The following SGSM1 variants were observed in gnomAD, a reference collection of about 807,000 sequenced individuals.
SGSM1 encodes the protein small G protein signaling modulator 1.
SGSM1 carries 73 observed loss-of-function variants against 133.8 expected under a neutral mutation model. That is an observed-to-expected ratio of 0.55 (90% CI 0.45 to 0.66). The LOEUF is 0.66. SGSM1 is among the 30% of genes least tolerant of loss of function. SGSM1 has a pLI of 0.00. For missense variants in SGSM1, 1,213 were observed against 1,448.1 expected (o/e 0.84, Z 2.64); for synonymous variants, 563 against 573.0 (o/e 0.98, Z 0.25).
chr22:24,899,021 C>CAA (rs11284624), intron 19 of SGSM1, among the ~76,000 whole-genome samples: 17 of 62,472 alleles, frequency 2.7e-4, no homozygotes, highest in African/African-American at 3.7e-4. Flanking sequence ...AGCAAGATCT[C>CAA]AAAAAAAAAA....
At chr22:24,902,500 C>T (rs189253228) in intron 20 of SGSM1, among the ~76,000 whole-genome samples, 91 of 152,162 alleles carry the variant, frequency 6.0e-4, no homozygotes, top group African/African-American at 2.0e-3. Context: ...CATAGTGAGA[C>T]CCTATCACTA....
chr22:24,917,473 G>A lies in SGSM1; in HGVS notation c.2929-185G>A, dbSNP rs564392020. 1.2e-4 allele frequency among the ~76,000 whole-genome samples: 19 copies of A among 152,226 alleles called. No individual in the cohort carries two copies. The South Asian group carries it at 1.5e-3, about 12-fold the overall frequency. On this transcript the variant is annotated intron_variant, in intron 22 of 24. Transcript: ENST00000400358. ...GGATGCTGAGCATCTTTCATATGCC[G>A]CTTGGCCATTTGTGAATCTTCTTTG...
At position 24,879,488 on chromosome 22, in the gene SGSM1, A is replaced by G; in HGVS notation, c.1457A>G (p.Asn486Ser). 6.2e-7 allele frequency: 1 copy of G among 1,613,814 alleles called. No homozygotes were observed. The highest frequency in any genetic ancestry group is 8.5e-7 in the Non-Finnish European group (1 of 1,179,860). Residue 486 changes from asparagine to serine, a missense_variant, in exon 14 of 25, where the codon AAT becomes AGT. Physicochemically the swap from Asn to Ser is conservative, Grantham distance 46. Transcript: ENST00000400358. Reference sequence around the variant, plus strand: ...GCTCCCCTGAAACTTCTCTGTGACAATATGAAGTACCAGATCCTCTCCAGA... The same window carrying G: ...GCTCCCCTGAAACTTCTCTGTGACAGTATGAAGTACCAGATCCTCTCCAGA... ...ERAPLKLLCD[N>S]MKYQILSRAF... is the part of the protein sequence containing the mutation.
chr22:24,898,644 A>G, intron 19 of SGSM1, 85 bp downstream of exon 19: 1 of 1,341,282 alleles, frequency 7.5e-7, no homozygotes, highest in Non-Finnish European at 1.0e-6. Flanking sequence ...ATCCAGAATG[A>G]CCCCGGAGTC....
At chr22:24,809,260 C>G (rs1461074003) in intron 2 of SGSM1, among the ~76,000 whole-genome samples, 1 of 152,204 alleles carries the variant, frequency 6.6e-6, no homozygotes, top group Non-Finnish European at 1.5e-5. Context: ...GCCTAGAAAT[C>G]TGAGAGTCAA....
intron 9 of SGSM1, among the ~76,000 whole-genome samples, chr22:24,860,922 A>ATATATATATATATAT (rs34462953): frequency 2.7e-5 from 1 of 37,600 alleles, no homozygotes; most frequent in African/African-American, 1.5e-4. Flanking sequence ...AAAAAAAAAA[A>ATATATATATATATAT]ATATATATAT....
rs1001037431 is a variant in SGSM1, at chr22:24,876,707, C to T, written c.1422C>T (p.Asn474=). 1 of 1,613,886 alleles carries T rather than the reference C, an allele frequency of 6.2e-7. No homozygotes were observed. The highest frequency in any genetic ancestry group is 8.5e-7 in the Non-Finnish European group (1 of 1,179,864). Residue 474 remains asparagine (N), a synonymous_variant, in exon 13 of 25, where the codon AAC becomes AAT. Coordinates refer to ENST00000400358, the MANE Select transcript of SGSM1 (RefSeq NM_001098497.3). ...ATGGTAGCTCGACCAATGGCTGCAA[C>T]CATGAGAGGTATGAGGGGCTTGAGC... The part of the protein sequence containing the change: ...SADGSSTNGC[N]HERAPLKLLC...
At chr22:24,872,773 G>A (rs1283716827) in intron 12 of SGSM1, among the ~76,000 whole-genome samples, 1 of 152,072 alleles carries the variant, frequency 6.6e-6, no homozygotes, top group African/African-American at 2.4e-5. Context: ...CAAAAAACTA[G>A]CCGGGCGTGG....
At chr22:24,895,991 G>T (rs1352723762) in intron 18 of SGSM1, among the ~76,000 whole-genome samples, 1 of 152,176 alleles carries the variant, frequency 6.6e-6, no homozygotes, top group East Asian at 1.9e-4. Flanking sequence ...TGAGGCTGCA[G>T]TGAGCCATGA....
intron 2 of SGSM1, among the ~76,000 whole-genome samples, chr22:24,832,851 G>A (rs1457822333): frequency 2.6e-5 from 4 of 152,116 alleles, no homozygotes; most frequent in Non-Finnish European, 5.9e-5. Context: ...GGAAGGATCA[G>A]ATCCAAGCCT....
intron 9 of SGSM1, among the ~76,000 whole-genome samples, chr22:24,863,560 G>A (rs569017658): frequency 3.9e-5 from 6 of 152,186 alleles, no homozygotes; most frequent in South Asian, 4.1e-4. Context: ...CCTGTCTATC[G>A]TTGTTATTCT....
intron 19 of SGSM1, among the ~76,000 whole-genome samples, chr22:24,900,954 C>T (rs1601973490): frequency 1.3e-5 from 2 of 152,254 alleles, no homozygotes; most frequent in South Asian, 2.1e-4. Flanking sequence ...CTTTCTAGTG[C>T]CAGGGAAATA....
At chr22:24,891,958 T>G (rs892389834) in intron 16 of SGSM1, among the ~76,000 whole-genome samples, 1 of 151,590 alleles carries the variant, frequency 6.6e-6, no homozygotes, top group African/African-American at 2.4e-5. Flanking sequence ...GCATGGTGGG[T>G]GTGAGTTGCT....
intron 5 of SGSM1, among the ~76,000 whole-genome samples, chr22:24,853,734 G>A (rs551206448): frequency 1.3e-5 from 2 of 150,728 alleles, no homozygotes; most frequent in Middle Eastern, 3.4e-3. Context: ...AGCCTCCCGA[G>A]TAGCTGGGAC....
At chr22:24,853,732 G>T (rs768700719) in intron 5 of SGSM1, among the ~76,000 whole-genome samples, 1 of 150,730 alleles carries the variant, frequency 6.6e-6, no homozygotes, top group Non-Finnish European at 1.5e-5. Context: ...TCAGCCTCCC[G>T]AGTAGCTGGG....
intron 18 of SGSM1, among the ~76,000 whole-genome samples, chr22:24,896,305 T>C (rs1932911737): frequency 6.6e-6 from 1 of 152,002 alleles, no homozygotes; most frequent in Non-Finnish European, 1.5e-5. Context: ...ACTCTGAAGC[T>C]AGGTAAACTT....
intron 21 of SGSM1, among the ~76,000 whole-genome samples, chr22:24,907,313 A>T (rs1422140133): frequency 1.3e-5 from 2 of 151,864 alleles, no homozygotes; most frequent in East Asian, 3.9e-4. Context: ...ATAAAAGAAT[A>T]CAATACTTAT....
In SGSM1 at chr22:24,806,300, G is replaced by A. The variant is rs1927376696; in HGVS notation, c.-26G>A. On this transcript the variant is annotated 5_prime_UTR_variant, in exon 1 of 25. Transcript: ENST00000400358. The stretch of plus-strand genomic sequence containing the variant: ...CCGCCACCGCCGCCACCGCCTCCTG[G>A]GACTCGGAACGCAGCGCTCGGAGCC... The A allele has an allele frequency of 1.4e-6, 2 of 1,432,494 alleles. No individual in the cohort carries two copies. Among genetic ancestry groups the A allele is most frequent in the African/African-American group, 3.0e-5 (2 of 66,746 alleles). The allele number at this position is 1,432,494 out of a possible 1,614,324, so 88.7% of individuals were successfully genotyped here. A position where few individuals can be genotyped will look rare whatever the true frequency, so the allele number is the denominator to read the frequency against.
chr22:24,822,831 C>G (rs1335121403), intron 2 of SGSM1, among the ~76,000 whole-genome samples: 2 of 152,222 alleles, frequency 1.3e-5, no homozygotes, highest in Admixed American at 6.5e-5. Flanking sequence ...AAGTCCCAGC[C>G]TCCTCACAGG....
Sources: gnomAD v4.1 joint callset for allele counts (sites outside exome capture counted in the v4.1 genomes callset) on GRCh38, gnomAD v4.1.1 for gene constraint, MANE v1.5 for transcripts, NCBI Gene and HGNC (gene_info 2026-07-23, HGNC 2026-07-21) for gene names.